The following DYNC2H1 variants were observed in gnomAD, a reference collection of about 807,000 sequenced individuals.
DYNC2H1 encodes the protein dynein cytoplasmic 2 heavy chain 1.
Under a neutral mutation model 570.0 loss-of-function variants are expected in DYNC2H1, and 410 were observed. That is an observed-to-expected ratio of 0.72 (90% CI 0.66 to 0.78). The LOEUF (loss-of-function observed/expected upper bound fraction) is 0.78. Among genes scored for constraint, DYNC2H1 ranks in the 30% least tolerant of loss-of-function variants. The pLI, the probability that DYNC2H1 is intolerant of heterozygous loss-of-function variation, is 0.00. For missense variants in DYNC2H1, 4,865 were observed against 5,046.4 expected (o/e 0.96, Z 1.09); for synonymous variants, 1,688 against 1,677.6 (o/e 1.01, Z -0.15).
rs548365973 is a variant in DYNC2H1 at position 103,373,347 on chromosome 11, T to C, written c.12156+14988T>C. Among the ~76,000 whole-genome samples the C allele has an allele frequency of 2.0e-5, 3 of 152,358 alleles. No individual in the cohort carries two copies. In the South Asian group the frequency reaches 6.2e-4, roughly 32 times the overall value. The stretch of plus-strand genomic sequence containing the variant: ...AGTTGCTCATAAAAGTCTCTTATGA[T>C]ACTTTGTATTTCTGTGATATCAGTA... On this transcript the variant is annotated intron_variant, in intron 83 of 88. Transcript: ENST00000375735.
chr11:103,408,938 CTTGT>C (rs1277321122), intron 84 of DYNC2H1, among the ~76,000 whole-genome samples: 1 of 151,998 alleles, frequency 6.6e-6, no homozygotes, highest in Non-Finnish European at 1.5e-5. Context: ...GTCTTCTCAT[CTTGT>C]TTATATCCCG....
intron 78 of DYNC2H1, among the ~76,000 whole-genome samples, chr11:103,310,296 T>C (rs1271338022): frequency 6.6e-6 from 1 of 152,088 alleles, no homozygotes; most frequent in Non-Finnish European, 1.5e-5. Flanking sequence ...ATTTCTTGAG[T>C]TGAATGGTTG....
At chr11:103,125,867 T>C (rs1858971042) in intron 12 of DYNC2H1, among the ~76,000 whole-genome samples, 1 of 152,222 alleles carries the variant, frequency 6.6e-6, no homozygotes, top group African/African-American at 2.4e-5. Context: ...ATATAAAACT[T>C]TGCTTTCATC....
At chr11:103,415,591 C>G (rs1200719250) in intron 84 of DYNC2H1, among the ~76,000 whole-genome samples, 3 of 152,134 alleles carry the variant, frequency 2.0e-5, no homozygotes, top group African/African-American at 7.2e-5. Flanking sequence ...AAATCAAAAC[C>G]ACAATGAGAT....
chr11:103,479,819 TAATG>T lies in DYNC2H1; in HGVS notation c.*567_*570del, dbSNP rs1263120341. On this transcript the variant is annotated 3_prime_UTR_variant, in exon 89 of 89. Coordinates refer to ENST00000375735, the MANE Select transcript of DYNC2H1 (RefSeq NM_001377.3). Reference sequence around the variant, plus strand: ...AATAGGAATAATTCAGGTGACATAATAATGGAGGATAAATTCTGGTTATTAAACA... The same window carrying T: ...AATAGGAATAATTCAGGTGACATAATGAGGATAAATTCTGGTTATTAAACA... The T allele has an allele frequency of 6.6e-6, 1 of 152,082 alleles. No homozygotes were observed. Among genetic ancestry groups the T allele is most frequent in the Non-Finnish European group, 1.5e-5 (1 of 68,018 alleles). 9.4% of individuals were successfully genotyped at this position (152,082 alleles called of 1,614,324 possible).
intron 84 of DYNC2H1, chr11:103,402,035 A>G (rs539434910): frequency 1.3e-5 from 2 of 152,258 alleles, no homozygotes; most frequent in South Asian, 4.1e-4. Flanking sequence ...ATAATGAAGG[A>G]GGTTTCAAAA....
intron 75 of DYNC2H1, among the ~76,000 whole-genome samples, chr11:103,294,958 C>T (rs747922386): frequency 2.6e-5 from 4 of 152,168 alleles, no homozygotes; most frequent in Non-Finnish European, 5.9e-5. Context: ...TCTTGCCTTC[C>T]TCTAAAGAGA....
chr11:103,237,001 G>A (rs1016046745), intron 63 of DYNC2H1, among the ~76,000 whole-genome samples: 2 of 151,924 alleles, frequency 1.3e-5, no homozygotes, highest in Non-Finnish European at 2.9e-5. Flanking sequence ...GTCACATAGT[G>A]CACATTTTCC....
At position 103,156,779 on chromosome 11, in the gene DYNC2H1, A is replaced by G. The variant is rs767771540; in HGVS notation, c.4127+9A>G. 31 of 1,597,548 alleles carry G rather than the reference A, an allele frequency of 1.9e-5. 1 individual carries two copies. The South Asian group carries it at 2.5e-4, about 13-fold the overall frequency. Reference sequence around the variant, plus strand: ...GTTGATGAAGATTTTAGGTCAGTACAATGATGTAAGACATAGACACATATG... The same window carrying G: ...GTTGATGAAGATTTTAGGTCAGTACGATGATGTAAGACATAGACACATATG... On this transcript the variant is annotated intron_variant, in intron 26 of 88. Coordinates refer to ENST00000375735, the MANE Select transcript of DYNC2H1 (RefSeq NM_001377.3).
At chr11:103,342,313 ATAAAATGGACCAATCAGCACTCTG>A (rs1565510849) in intron 82 of DYNC2H1, among the ~76,000 whole-genome samples, 1 of 151,962 alleles carries the variant, frequency 6.6e-6, no homozygotes, top group Non-Finnish European at 1.5e-5. Flanking sequence ...TCAGCACCCT[ATAAAATGGACCAATCAGCACTCTG>A]TAAAATGGAC....
intron 84 of DYNC2H1, among the ~76,000 whole-genome samples, chr11:103,414,849 G>A (rs12270155): frequency 0.094 from 14,312 of 152,068 alleles, 1,463 homozygotes; most frequent in African/African-American, 0.24. Context: ...ACTTCAAGAA[G>A]AACGATAAAA....
intron 24 of DYNC2H1, 91 bp downstream of exon 24, chr11:103,154,900 G>A: frequency 1.3e-5 from 12 of 923,036 alleles, no homozygotes; most frequent in South Asian, 2.4e-5. Flanking sequence ...TACTTTATAT[G>A]TTTTTCAATT....
chr11:103,375,945 G>A (rs1941373769), intron 83 of DYNC2H1, among the ~76,000 whole-genome samples: 1 of 152,140 alleles, frequency 6.6e-6, no homozygotes, highest in Non-Finnish European at 1.5e-5. Flanking sequence ...TGGTTTGGCA[G>A]TGTCTTTACA....
In DYNC2H1 at chr11:103,186,257, C is replaced by G; in HGVS notation, c.6649C>G (p.Arg2217Gly). 1.2e-6 allele frequency: 2 copies of G among 1,610,542 alleles called. No individual in the cohort carries two copies. The highest frequency in any genetic ancestry group is 2.2e-5 in the East Asian group (1 of 44,734). Reference sequence around the variant, plus strand: ...TCCTCTTAAGGTTTTTCATTGGGCACGAGAATCTCCTCCAGACTTTCACAA... The same window carrying G: ...TCCTCTTAAGGTTTTTCATTGGGCAGGAGAATCTCCTCCAGACTTTCACAA... Reference protein sequence around the residue: ...EFTKEVFHWARESPPDFHKPM... With the variant: ...EFTKEVFHWAGESPPDFHKPM... The change falls in exon 42 of 89, where the codon CGA (arginine) becomes GGA (glycine). Residue 2217 changes from arginine (R) to glycine (G), a missense_variant. Transcript: ENST00000375735. The surrounding 1 kb of genome is among the most constrained non-coding windows in gnomAD (Gnocchi z 4.5).
chr11:103,111,730 A>G (rs779044900), intron 1 of DYNC2H1, among the ~76,000 whole-genome samples: 4 of 152,170 alleles, frequency 2.6e-5, no homozygotes, highest in Non-Finnish European at 2.9e-5. Flanking sequence ...GTAAAGCCCA[A>G]CGATGTATCT....
chr11:103,389,217 G>C (rs990309429), intron 83 of DYNC2H1, among the ~76,000 whole-genome samples: 2 of 152,064 alleles, frequency 1.3e-5, no homozygotes, highest in African/African-American at 4.8e-5. Flanking sequence ...AACTTCTCCT[G>C]GTTTAGTCTT....
intron 84 of DYNC2H1, among the ~76,000 whole-genome samples, chr11:103,417,783 G>A (rs1943340240): frequency 6.6e-6 from 1 of 151,796 alleles, no homozygotes; most frequent in South Asian, 2.1e-4. Flanking sequence ...GGCGGAGGCA[G>A]GAGAATTGCT....
At position 103,109,528 on chromosome 11, in the gene DYNC2H1, T is replaced by C. The variant is rs1565304343; in HGVS notation, c.-47T>C. On this transcript the variant is annotated 5_prime_UTR_variant, in exon 1 of 89. Transcript: ENST00000375735. ...CCCTTCACTTCCCTCCGGACTGGTT[T>C]CTTCTTCCTTCCCCCTTCCCCCAAC... The C allele has an allele frequency of 6.4e-7, 1 of 1,567,160 alleles. No individual in the cohort carries two copies. The highest frequency in any genetic ancestry group is 8.7e-7 in the Non-Finnish European group (1 of 1,147,538).
chr11:103,118,231 A>G (rs2510096), intron 6 of DYNC2H1, among the ~76,000 whole-genome samples: 9,667 of 152,176 alleles, frequency 0.064, 360 homozygotes, highest in South Asian at 0.13. Flanking sequence ...TACACAAGTT[A>G]TGAGTTTCAG....
Sources: allele counts gnomAD v4.1 joint callset (sites outside exome capture counted in the v4.1 genomes callset), GRCh38; gene constraint gnomAD v4.1.1; non-coding constraint Gnocchi (gnomAD v3.1); transcripts MANE v1.5; gene names NCBI Gene and HGNC (gene_info 2026-07-23, HGNC 2026-07-21).